Variants in NCAPD2 observed in about 807,000 individuals in gnomAD.
NCAPD2 encodes non-SMC condensin I complex subunit D2.
A neutral mutation model predicts 164.5 loss-of-function variants in NCAPD2; 100 were observed. The observed-to-expected ratio is 0.61, with a 90% CI of 0.52 to 0.72. NCAPD2 has a LOEUF of 0.72. Ranked by LOEUF, NCAPD2 falls within the 30% of genes least tolerant of loss-of-function variation. The pLI, the probability that NCAPD2 is intolerant of heterozygous loss-of-function variation, is 0.00. For missense variants in NCAPD2, 1,560 were observed against 1,749.2 expected (o/e 0.89, Z 1.93); for synonymous variants, 585 against 642.6 (o/e 0.91, Z 1.36).
At chr12:6,497,766 A>G (rs1326476863) in intron 2 of NCAPD2, among the ~76,000 whole-genome samples, 10 of 151,478 alleles carry the variant, frequency 6.6e-5, no homozygotes, top group Admixed American at 5.3e-4. Flanking sequence ...ATTACAGGCA[A>G]TGCCACCACG....
intron 17 of NCAPD2, 78 bp downstream of exon 17, chr12:6,523,424 G>C: frequency 1.0e-6 from 1 of 994,442 alleles, no homozygotes. Flanking sequence ...TTGAGACGGA[G>C]TCATGCCCCA....
intron 9 of NCAPD2, 139 bp from the exon 10 acceptor site, chr12:6,516,689 C>A: frequency 1.2e-6 from 1 of 821,276 alleles, no homozygotes; most frequent in Non-Finnish European, 1.9e-6. Flanking sequence ...CTCTGAGCAA[C>A]AAGTCCTCTT....
intron 2 of NCAPD2, among the ~76,000 whole-genome samples, chr12:6,499,650 C>T (rs188833208): frequency 8.1e-4 from 123 of 152,150 alleles, no homozygotes; most frequent in Middle Eastern, 3.4e-3. Context: ...ACTTGGCCTC[C>T]CAAAGTTCTG....
intron 2 of NCAPD2, among the ~76,000 whole-genome samples, chr12:6,504,170 CATATATATATACATATATAT>C (rs1946067334): frequency 8.3e-6 from 1 of 121,106 alleles, no homozygotes; most frequent in Non-Finnish European, 1.7e-5. Flanking sequence ...TCAGTTTTGA[CATATATATATACATATATAT>C]ATATATATAT....
intron 18 of NCAPD2, 112 bp downstream of exon 18, chr12:6,525,828 G>A: frequency 7.0e-7 from 1 of 1,418,536 alleles, no homozygotes; most frequent in Admixed American, 2.3e-5. Context: ...GCTCTGCTGT[G>A]AGTTATAACG....
intron 2 of NCAPD2, among the ~76,000 whole-genome samples, chr12:6,500,863 G>T (rs1447991871): frequency 1.3e-5 from 2 of 152,108 alleles, no homozygotes; most frequent in East Asian, 3.8e-4. Context: ...TAAGAGGCAA[G>T]GAGAGAAGCA....
At chr12:6,527,109 G>C (rs776691037) in intron 22 of NCAPD2, 46 bp downstream of exon 22, 6 of 1,549,950 alleles carry the variant, frequency 3.9e-6, no homozygotes, top group Non-Finnish European at 4.4e-6. Flanking sequence ...TCATACCTCA[G>C]CTCAGAACTG....
rs1565548981 is a variant in NCAPD2, at chr12:6,531,510, TTAA to T, written c.*99_*101del. On this transcript the variant is annotated 3_prime_UTR_variant, in exon 32 of 32. Transcript: ENST00000315579. The surrounding 1 kb of genome is among the most constrained non-coding windows in gnomAD (Gnocchi z 4.1). ...TAAAATATTTGTCTGTCTCTTTTTT[TTAA>T]AAAAAAAAAAGGCCGGGCACTGTGG... The T allele has an allele frequency of 6.2e-6, 9 of 1,457,290 alleles. No homozygotes were observed. Among genetic ancestry groups the T allele is most frequent in the African/African-American group, 1.6e-5 (1 of 63,706 alleles). The allele number at this position is 1,457,290 out of a possible 1,614,324, so 90.3% of individuals were successfully genotyped here.
intron 28 of NCAPD2, 87 bp downstream of exon 28, chr12:6,529,680 C>A (rs1012371429): frequency 1.9e-6 from 3 of 1,596,694 alleles, no homozygotes; most frequent in Non-Finnish European, 1.7e-6. Context: ...AATGCCCCCA[C>A]TGTGGCATCC....
rs1250035485 is a variant in NCAPD2, at chr12:6,517,356, C to T, written c.1186-9C>T. 1 of 1,613,132 alleles carries T rather than the reference C, an allele frequency of 6.2e-7. No individual in the cohort carries two copies. The highest frequency in any genetic ancestry group is 2.2e-5 in the East Asian group (1 of 44,866). ...CTTGAGCAGATTCTTCTCTTCCTACCCTACACAGGCTCTCCCCCTGACACG... is the reference window on the plus strand; with the variant it reads ...CTTGAGCAGATTCTTCTCTTCCTACTCTACACAGGCTCTCCCCCTGACACG... On this transcript the variant is annotated splice_polypyrimidine_tract_variant and intron_variant, in intron 10 of 31. Coordinates refer to ENST00000315579, the MANE Select transcript of NCAPD2 (RefSeq NM_014865.4).
chr12:6,526,735 C>CG lies in NCAPD2; in HGVS notation c.2734+120_2734+121insG. ...TTAGTGTACACTGTGTCGTTTTTGT[C>CG]TAAGTTGAAGTTGGGCCAGTTCCCA... On this transcript the variant is annotated intron_variant, in intron 21 of 31. Transcript: ENST00000315579. The CG allele has an allele frequency of 3.4e-6, 5 of 1,455,780 alleles. No homozygotes were observed. In the South Asian group the frequency reaches 6.6e-5, roughly 19 times the overall value. The allele number at this position is 1,455,780 out of a possible 1,614,324, so 90.2% of individuals were successfully genotyped here.
rs537042812 is a variant in NCAPD2, at chr12:6,529,368, A to G, written c.3573-145A>G. ...GGGGTCCCTCTCTGCTGAATGGGAC[A>G]GGGCAAGGGGAGTGGTGAGGCAGAC... On this transcript the variant is annotated intron_variant, in intron 27 of 31. Transcript: ENST00000315579. The G allele has an allele frequency of 5.1e-5, 38 of 744,114 alleles. No individual in the cohort carries two copies. In the African/African-American group the frequency reaches 5.9e-4, roughly 12 times the overall value. 46.1% of individuals were successfully genotyped at this position (744,114 alleles called of 1,614,324 possible). A position where few individuals can be genotyped will look rare whatever the true frequency, so the allele number is the denominator to read the frequency against.
chr12:6,526,417 C>T (rs369778530), intron 20 of NCAPD2, 31 bp from the exon 21 acceptor site: 2 of 1,614,064 alleles, frequency 1.2e-6, no homozygotes, highest in African/African-American at 2.7e-5. Context: ...CCCTTTGTTG[C>T]AGTAAACAAC....
chr12:6,518,504 G>GTTTTTTGTTTTTTTTTTTTTTTTTT (rs1946226490), intron 13 of NCAPD2, among the ~76,000 whole-genome samples: 1 of 44,774 alleles, frequency 2.2e-5, no homozygotes, highest in African/African-American at 1.0e-4. Flanking sequence ...CCGTCAACAA[G>GTTTTTTGTTTTTTTTTTTTTTTTTT]TTTTTTTTTT....
chr12:6,515,270 G>T (rs1291741824), intron 9 of NCAPD2, among the ~76,000 whole-genome samples: 2 of 151,608 alleles, frequency 1.3e-5, no homozygotes, highest in Non-Finnish European at 2.9e-5. Context: ...TTGCAGCCTC[G>T]ATCTCCTGGG....
chr12:6,501,387 C>T lies in NCAPD2; in HGVS notation c.127+6162C>T, dbSNP rs1161944815. Among the ~76,000 whole-genome samples the T allele has an allele frequency of 5.9e-5, 9 of 151,954 alleles. No homozygotes were observed. The East Asian group carries it at 9.6e-4, about 16-fold the overall frequency. On this transcript the variant is annotated intron_variant, in intron 2 of 31. Transcript: ENST00000315579. ...ATTTTTAGTAGAGATGCGGTTTTGC[C>T]GTGTTGTCCAGTCTGGTCTTGAACT...
chr12:6,505,576 C>G (rs746501119), intron 2 of NCAPD2, among the ~76,000 whole-genome samples: 3 of 152,138 alleles, frequency 2.0e-5, no homozygotes, highest in Admixed American at 1.3e-4. Context: ...TGGTGGCTCG[C>G]GCCTGTAATT....
At chr12:6,499,307 G>A (rs1946012529) in intron 2 of NCAPD2, among the ~76,000 whole-genome samples, 1 of 151,952 alleles carries the variant, frequency 6.6e-6, no homozygotes, top group South Asian at 2.1e-4. Context: ...CACCTCCTGG[G>A]CTCAAGCAAT....
chr12:6,527,275 T>C (rs1202762500), intron 22 of NCAPD2, among the ~76,000 whole-genome samples: 1 of 152,008 alleles, frequency 6.6e-6, no homozygotes, highest in African/African-American at 2.4e-5. Flanking sequence ...AAATGCAGAG[T>C]GTGGAGTTAG....
Sources: allele counts gnomAD v4.1 joint callset (sites outside exome capture counted in the v4.1 genomes callset), GRCh38; gene constraint gnomAD v4.1.1; non-coding constraint Gnocchi (gnomAD v3.1); transcripts MANE v1.5; gene names NCBI Gene and HGNC (gene_info 2026-07-23, HGNC 2026-07-21).